Variants in LRP1B observed in about 807,000 individuals in gnomAD.
LRP1B encodes low-density lipoprotein receptor-related protein 1B.
Under a neutral mutation model 556.6 loss-of-function variants are expected in LRP1B, and 217 were observed. The ratio of observed to expected loss-of-function variants is 0.39; its 90% CI spans 0.35 to 0.44. The LOEUF (loss-of-function observed/expected upper bound fraction) is 0.44. LRP1B is among the 20% of genes least tolerant of loss of function. The pLI, the probability that LRP1B is intolerant of heterozygous loss-of-function variation, is 1.00. For missense variants in LRP1B, 5,053 were observed against 5,620.8 expected, an observed-to-expected ratio of 0.90 and a Z score of 3.23; for synonymous variants, 2,047 against 1,865.8, an observed-to-expected ratio of 1.10 and a Z score of -2.50.
At chr2:140,452,547 A>G (rs1329237964) in intron 62 of LRP1B, among the ~76,000 whole-genome samples, 1 of 152,158 alleles carries the variant, frequency 6.6e-6, no homozygotes, top group East Asian at 1.9e-4. Context: ...TCTAAAAGTT[A>G]TTAACTTCTT....
At chr2:141,739,016 A>T (rs186220893) in intron 2 of LRP1B, among the ~76,000 whole-genome samples, 1 of 152,282 alleles carries the variant, frequency 6.6e-6, no homozygotes, top group African/African-American at 2.4e-5. Context: ...ATGTACACTC[A>T]CATAAAGCAG....
chr2:141,037,357 G>A (rs1171822521), intron 11 of LRP1B, among the ~76,000 whole-genome samples: 3 of 152,064 alleles, frequency 2.0e-5, no homozygotes, highest in Non-Finnish European at 4.4e-5. Context: ...TTTTACTTAT[G>A]TGAACCTCTA....
chr2:142,103,841 T>C (rs565229277), intron 1 of LRP1B, among the ~76,000 whole-genome samples: 1 of 152,234 alleles, frequency 6.6e-6, no homozygotes, highest in East Asian at 1.9e-4. Flanking sequence ...GATTCTTACC[T>C]ACCGTGTATA....
chr2:141,664,956 T>C (rs1000684899), intron 2 of LRP1B, among the ~76,000 whole-genome samples: 2 of 152,072 alleles, frequency 1.3e-5, no homozygotes, highest in African/African-American at 4.8e-5. Context: ...CTTCAAAATA[T>C]ACTACAAGTC....
At chr2:140,672,236 C>T (rs1303450174) in intron 41 of LRP1B, among the ~76,000 whole-genome samples, 1 of 152,006 alleles carries the variant, frequency 6.6e-6, no homozygotes, top group Non-Finnish European at 1.5e-5. Flanking sequence ...GCCTGTAATC[C>T]CAGCACTTTG....
In LRP1B at chr2:141,011,934, TA is replaced by T. The variant is rs1697761632; in HGVS notation, c.2380+1621del. On this transcript the variant is annotated intron_variant, in intron 14 of 90. Coordinates refer to ENST00000389484, the MANE Select transcript of LRP1B (RefSeq NM_018557.3). ...TATGTAGGGTAACCTTAAAAACAAA[TA>T]CCTCCTATTAGAGAAATTGTAGGGG... Among the ~76,000 whole-genome samples the T allele has an allele frequency of 2.6e-5, 4 of 152,148 alleles. No individual in the cohort carries two copies. In the South Asian group the frequency reaches 8.3e-4, roughly 32 times the overall value.
chr2:140,375,106 A>G (rs192934958), intron 68 of LRP1B, among the ~76,000 whole-genome samples: 3 of 152,050 alleles, frequency 2.0e-5, no homozygotes, highest in Admixed American at 2.0e-4. Flanking sequence ...TGCAACCTCC[A>G]AAGTGATTAA....
intron 1 of LRP1B, among the ~76,000 whole-genome samples, chr2:142,029,707 G>A (rs1465669768): frequency 1.3e-5 from 2 of 151,622 alleles, no homozygotes; most frequent in Non-Finnish European, 3.0e-5. Flanking sequence ...GCTTGTTTGT[G>A]CCTGTAGAAA....
At chr2:141,421,516 G>C (rs1332415367) in intron 3 of LRP1B, among the ~76,000 whole-genome samples, 1 of 112,130 alleles carries the variant, frequency 8.9e-6, no homozygotes, top group Non-Finnish European at 1.8e-5. Flanking sequence ...GCGACAGAGC[G>C]AGACTCTGTC....
At chr2:141,864,617 C>T (rs1698347886) in intron 1 of LRP1B, among the ~76,000 whole-genome samples, 1 of 151,658 alleles carries the variant, frequency 6.6e-6, no homozygotes, top group Non-Finnish European at 1.5e-5. Flanking sequence ...CGCAGTGGCT[C>T]ACGCCTGTAA....
At chr2:141,874,453 TA>T (rs1698692217) in intron 1 of LRP1B, among the ~76,000 whole-genome samples, 1 of 151,970 alleles carries the variant, frequency 6.6e-6, no homozygotes, top group Non-Finnish European at 1.5e-5. Flanking sequence ...ACTTATATTT[TA>T]TTAGTTCTAC....
intron 82 of LRP1B, among the ~76,000 whole-genome samples, chr2:140,321,424 TATG>T (rs138076580): frequency 0.14 from 20,870 of 151,618 alleles, 1,852 homozygotes; most frequent in East Asian, 0.31. Flanking sequence ...TCATAATTAT[TATG>T]ATAATTATCA....
In LRP1B at chr2:140,534,144, A is replaced by G. The variant is rs755021315; in HGVS notation, c.7643-4T>C. On this transcript the variant is annotated splice_polypyrimidine_tract_variant and splice_region_variant and intron_variant, in intron 46 of 90. Coordinates refer to ENST00000389484, the MANE Select transcript of LRP1B (RefSeq NM_018557.3). Reference sequence around the variant, plus strand: ...CCTCTTCGACAGCTTCTGTTTTCTTATAAATAAAAGTAGAAACACACAACC... The same window carrying G: ...CCTCTTCGACAGCTTCTGTTTTCTTGTAAATAAAAGTAGAAACACACAACC... 89 of 1,609,046 alleles carry G rather than the reference A, an allele frequency of 5.5e-5. No homozygotes were observed. Among genetic ancestry groups the G allele is most frequent in the Non-Finnish European group, 7.5e-5 (88 of 1,177,812 alleles).
chr2:141,258,740 G>A (rs2030256), intron 3 of LRP1B, among the ~76,000 whole-genome samples: 15,040 of 152,082 alleles, frequency 0.099, 882 homozygotes, highest in East Asian at 0.16. Context: ...GTTCTCATGA[G>A]ATCTGATTGT....
chr2:140,655,009 G>T (rs184312031), intron 41 of LRP1B, among the ~76,000 whole-genome samples: 4,303 of 147,018 alleles, frequency 0.029, 99 homozygotes, highest in South Asian at 0.048. Flanking sequence ...TTAAATAAGA[G>T]AAATTTGTAT....
chr2:141,702,558 G>C (rs190785248), intron 2 of LRP1B, among the ~76,000 whole-genome samples: 128 of 147,310 alleles, frequency 8.7e-4, no homozygotes, highest in East Asian at 1.9e-3. Flanking sequence ...GGAAAAGTTT[G>C]AGGTGGCCAC....
chr2:140,741,820 C>T (rs1688150467), intron 35 of LRP1B, among the ~76,000 whole-genome samples: 1 of 152,076 alleles, frequency 6.6e-6, no homozygotes, highest in Admixed American at 6.6e-5. Context: ...TCTATATGTG[C>T]TCAATGCTTA....
At chr2:141,528,216 G>C (rs1174672292) in intron 2 of LRP1B, among the ~76,000 whole-genome samples, 1 of 151,722 alleles carries the variant, frequency 6.6e-6, no homozygotes, top group African/African-American at 2.4e-5. Flanking sequence ...TGGATCTTGA[G>C]TGACAACCTA....
chr2:142,024,589 G>A (rs1703443515), intron 1 of LRP1B, among the ~76,000 whole-genome samples: 1 of 147,552 alleles, frequency 6.8e-6, no homozygotes, highest in African/African-American at 2.5e-5. Context: ...CAATTTTCTG[G>A]TAGCTTGTCA....
Sources: gnomAD v4.1 joint callset for allele counts (sites outside exome capture counted in the v4.1 genomes callset) on GRCh38, gnomAD v4.1.1 for gene constraint, MANE v1.5 for transcripts, NCBI Gene and HGNC (gene_info 2026-07-23, HGNC 2026-07-21) for gene names.